CDH2: variants seen among roughly 807,000 people sequenced by gnomAD.
CDH2 encodes cadherin-2.
A neutral mutation model predicts 92.0 loss-of-function variants in CDH2; 17 were observed. The observed-to-expected ratio is 0.18, with a 90% confidence interval of 0.13 to 0.28. CDH2 has a LOEUF of 0.28. Among genes scored for constraint, CDH2 ranks in the 10% least tolerant of loss-of-function variants. The probability of loss-of-function intolerance (pLI) is 1.00; values close to 1 mark genes in which losing one functional copy is unlikely to be tolerated. For synonymous variants in CDH2, 419 were observed against 415.9 expected, an observed-to-expected ratio of 1.01 and a Z score of -0.09; for missense variants, 862 against 1,133.1, an observed-to-expected ratio of 0.76 and a Z score of 3.44.
At chr18:27,950,197 T>C (rs577612003), downstream of CDH2, among the ~76,000 whole-genome samples, 39 of 152,248 alleles carry the variant, frequency 2.6e-4, no homozygotes, top group African/African-American at 8.9e-4. Context: ...CACGGTCTAA[T>C]ATAAAATAAC....
chr18:28,011,514 AG>A (rs2013098517), intron 4 of CDH2, among the ~76,000 whole-genome samples: 2 of 152,154 alleles, frequency 1.3e-5, no homozygotes, highest in Non-Finnish European at 2.9e-5. Context: ...GCTTTCAGAC[AG>A]GGAAGTTTAG....
rs987534465 is a variant in CDH2 at position 27,951,487 on chromosome 18, TAAA to T, written c.*663_*665del. ...ACAGTGAAGTGGAAAAATACAGAAA[TAAA>T]AAAGTGTACATGGATTAAGACCAAA... On this transcript the variant is annotated 3_prime_UTR_variant, in exon 16 of 16. Transcript: ENST00000269141. 3 of 152,352 alleles carry T rather than the reference TAAA, an allele frequency of 2.0e-5. No homozygotes were observed. The highest frequency in any genetic ancestry group is 7.3e-5 in the African/African-American group (3 of 41,350). 9.4% of individuals were successfully genotyped at this position (152,352 alleles called of 1,614,324 possible).
chr18:27,942,491 T>C (rs1909162827), intron 6 of CDH2, among the ~76,000 whole-genome samples: 1 of 152,174 alleles, frequency 6.6e-6, no homozygotes, highest in Admixed American at 6.5e-5. Flanking sequence ...CAGGTGGGAT[T>C]TGAACCTAGG....
intron 2 of CDH2, among the ~76,000 whole-genome samples, chr18:28,043,467 T>A (rs1163219061): frequency 3.4e-5 from 2 of 59,652 alleles, no homozygotes; most frequent in African/African-American, 1.7e-4. Flanking sequence ...AATAAATATA[T>A]ATATATATAT....
At position 28,150,173 on chromosome 18, in the gene CDH2, A is replaced by G. The variant is rs190533766; in HGVS notation, c.61-2389T>C. On this transcript the variant is annotated intron_variant, in intron 1 of 15. Transcript: ENST00000269141. ...GTCTGCCTCTTCACCCTTCTAGTCC[A>G]GGCTTCTAAGAGCAGTGAAGCATGG... 3.3e-5 allele frequency among the ~76,000 whole-genome samples: 5 copies of G among 152,336 alleles called. No homozygotes were observed. The East Asian group carries it at 9.7e-4, about 29-fold the overall frequency.
intron 13 of CDH2, among the ~76,000 whole-genome samples, chr18:27,984,785 G>A (rs2012170336): frequency 6.6e-6 from 1 of 152,216 alleles, no homozygotes; most frequent in Non-Finnish European, 1.5e-5. Flanking sequence ...GAGGCATGCT[G>A]AGGCAGCTTG....
At chr18:28,073,113 T>C (rs1189197471) in intron 2 of CDH2, among the ~76,000 whole-genome samples, 1 of 152,158 alleles carries the variant, frequency 6.6e-6, no homozygotes, top group Non-Finnish European at 1.5e-5. Flanking sequence ...AGAATACCAA[T>C]GAGAATCATC....
intron 1 of CDH2, among the ~76,000 whole-genome samples, chr18:28,163,858 A>T (rs1393902446): frequency 6.6e-6 from 1 of 152,192 alleles, no homozygotes; most frequent in African/African-American, 2.4e-5. Flanking sequence ...TACAAAGGAA[A>T]GCAATGAATA....
intron 2 of CDH2, among the ~76,000 whole-genome samples, chr18:28,036,183 T>C (rs1447512770): frequency 6.6e-6 from 1 of 152,160 alleles, no homozygotes. Context: ...AATACAGATG[T>C]ACAACTCTCT....
intron 2 of CDH2, among the ~76,000 whole-genome samples, chr18:28,141,733 G>A (rs552334834): frequency 1.3e-5 from 2 of 152,002 alleles, no homozygotes; most frequent in South Asian, 4.1e-4. Context: ...TCTACTGAAA[G>A]CCTTCCAATA....
chr18:28,118,870 T>C (rs1261856217), intron 2 of CDH2, among the ~76,000 whole-genome samples: 1 of 152,012 alleles, frequency 6.6e-6, no homozygotes, highest in Non-Finnish European at 1.5e-5. Flanking sequence ...AAACAACATA[T>C]ATAATTACTA....
rs28365317 is a variant in CDH2, at chr18:28,144,083, G to A, written c.172+3590C>T. Among the ~76,000 whole-genome samples, 192 of 151,668 alleles carry A rather than the reference G, an allele frequency of 1.3e-3. 3 individuals carry two copies. The East Asian group carries it at 0.026, about 21-fold the overall frequency. ...AAACATAGATGACAGGTTGATAGAT[G>A]CAGCAAACCACCATGGCACATGTAT... is the stretch of plus-strand genomic sequence containing the variant. On this transcript the variant is annotated intron_variant, in intron 2 of 15. Coordinates refer to ENST00000269141, the MANE Select transcript of CDH2 (RefSeq NM_001792.5).
chr18:28,157,939 C>T (rs1000529139), intron 1 of CDH2, among the ~76,000 whole-genome samples: 2 of 152,106 alleles, frequency 1.3e-5, no homozygotes, highest in Non-Finnish European at 2.9e-5. Flanking sequence ...TGTTAATTTT[C>T]AGAGGTGATA....
chr18:28,164,527 C>T (rs896849173), intron 1 of CDH2, among the ~76,000 whole-genome samples: 5 of 152,148 alleles, frequency 3.3e-5, no homozygotes, highest in African/African-American at 1.2e-4. Context: ...CCTGTTTTCC[C>T]AGATGCTGTA....
chr18:27,974,442 A>G (rs1030897599), intron 14 of CDH2, among the ~76,000 whole-genome samples: 1 of 152,150 alleles, frequency 6.6e-6, no homozygotes, highest in Non-Finnish European at 1.5e-5. Context: ...TTATGTGAAT[A>G]TTTTCCATTT....
chr18:28,043,463 T>TAAATAAATATATATATATAA (rs1320261586), intron 2 of CDH2, among the ~76,000 whole-genome samples: 2 of 30,228 alleles, frequency 6.6e-5, no homozygotes, highest in African/African-American at 2.7e-4. Context: ...TATAAATAAA[T>TAAATAAATATATATATATAA]ATATATATAT....
At chr18:27,945,319 GAAGAT>G (rs1252495538) in intron 6 of CDH2, among the ~76,000 whole-genome samples, 14 of 119,038 alleles carry the variant, frequency 1.2e-4, no homozygotes, top group Non-Finnish European at 2.0e-4. Context: ...TTCCAGGAAG[GAAGAT>G]TTTTTTTTTT....
chr18:28,023,746 G>C (rs1206299668), intron 2 of CDH2, among the ~76,000 whole-genome samples: 1 of 152,074 alleles, frequency 6.6e-6, no homozygotes. Context: ...AAGTCTATTA[G>C]CAATTATACT....
rs1341589177 is a variant in CDH2 at position 28,018,874 on chromosome 18, T to A, written c.173-4965A>T. Among the ~76,000 whole-genome samples, 10 of 51,838 alleles carry A rather than the reference T, an allele frequency of 1.9e-4. No homozygotes were observed. In the East Asian group the frequency reaches 3.4e-3, roughly 17 times the overall value. 34.0% of individuals were successfully genotyped at this position (51,838 alleles called of 152,430 possible). The stretch of plus-strand genomic sequence containing the variant: ...TGAAAAAGATACTTGCACACACGTT[T>A]ATATATATATATATATATGTACATA... On this transcript the variant is annotated intron_variant, in intron 2 of 15. Coordinates refer to ENST00000269141, the MANE Select transcript of CDH2 (RefSeq NM_001792.5).
Sources: gnomAD v4.1 joint callset for allele counts (sites outside exome capture counted in the v4.1 genomes callset) on GRCh38, gnomAD v4.1.1 for gene constraint, MANE v1.5 for transcripts, NCBI Gene and HGNC (gene_info 2026-07-23, HGNC 2026-07-21) for gene names.